FLYWCH1: variants seen among roughly 807,000 people sequenced by gnomAD.
The protein encoded by FLYWCH1 is FLYWCH-type zinc finger 1, also known as FLYWCH-type zinc finger-containing protein 1.
Under a neutral mutation model 66.4 loss-of-function variants are expected in FLYWCH1, and 75 were observed. The ratio of observed to expected loss-of-function variants is 1.13; its 90% CI spans 0.94 to 1.37. The LOEUF (loss-of-function observed/expected upper bound fraction) is 1.37. FLYWCH1 is among the 40% of genes most tolerant of loss of function. The probability of loss-of-function intolerance (pLI) is 0.00; values close to 1 mark genes in which losing one functional copy is unlikely to be tolerated. For synonymous variants in FLYWCH1, 595 were observed against 429.9 expected (o/e 1.38, Z -4.75); for missense variants, 1,334 against 1,001.8 (o/e 1.33, Z -4.48).
intron 4 of FLYWCH1, among the ~76,000 whole-genome samples, chr16:2,932,183 A>T (rs1415269683): frequency 2.0e-5 from 3 of 146,388 alleles, no homozygotes; most frequent in Admixed American, 1.4e-4. Context: ...CGGGAGGCTA[A>T]GGCAGAATTG....
chr16:2,934,017 C>T (rs1486856915), intron 6 of FLYWCH1, 38 bp downstream of exon 6: 5 of 1,483,062 alleles, frequency 3.4e-6, no homozygotes, highest in Admixed American at 4.5e-5. Context: ...CCCCAGGAAG[C>T]AGGCAGGAGC....
chr16:2,914,315 C>T (rs568323062), intron 2 of FLYWCH1, 26 bp downstream of exon 2: 5 of 152,354 alleles, frequency 3.3e-5, no homozygotes, highest in East Asian at 3.9e-4. Context: ...CATCAGCTGC[C>T]GACAGAGCCG....
Position 2,938,344 on chromosome 16 carries a change from G to C in FLYWCH1, c.1938G>C (p.Gln646His). Residue 646 changes from glutamine (Q) to histidine (H), a missense_variant, in exon 8 of 10, where the codon CAG (glutamine) becomes CAC (histidine). Coordinates refer to ENST00000253928, the MANE Select transcript of FLYWCH1 (RefSeq NM_001308068.2). ...GCTGCCGCAGCCGCGCCATAACCCA[G>C]GGCCACCGCATCATGGTCATGCGCA... is the stretch of plus-strand genomic sequence containing the variant. ...RLGCRSRAIT[Q>H]GHRIMVMRSH... The C allele has an allele frequency of 6.2e-7, 1 of 1,603,886 alleles. No homozygotes were observed. The highest frequency in any genetic ancestry group is 8.5e-7 in the Non-Finnish European group (1 of 1,174,756).
intron 9 of FLYWCH1, among the ~76,000 whole-genome samples, chr16:2,941,953 C>G (rs576613821): frequency 1.6e-5 from 2 of 127,650 alleles, no homozygotes; most frequent in East Asian, 2.6e-4. Context: ...GTCGAGATTG[C>G]GCCACTGCAC....
chr16:2,920,746 G>A (rs747121568), intron 2 of FLYWCH1, among the ~76,000 whole-genome samples: 4 of 151,060 alleles, frequency 2.6e-5, no homozygotes, highest in African/African-American at 9.7e-5. Context: ...TCTCCATGTT[G>A]GTCGGGCTGG....
rs9935192 is a variant in FLYWCH1 at position 2,919,855 on chromosome 16, A to T, written c.-74+5566A>T. 2.2e-3 allele frequency among the ~76,000 whole-genome samples: 341 copies of T among 152,032 alleles called. 1 individual carries two copies. The highest frequency in any genetic ancestry group is 3.5e-3 in the Admixed American group (54 of 15,272). On this transcript the variant is annotated intron_variant, in intron 2 of 9. Coordinates refer to ENST00000253928, the MANE Select transcript of FLYWCH1 (RefSeq NM_001308068.2). The stretch of plus-strand genomic sequence containing the variant: ...GGAGCAACACCACCATCTTGTGGCC[A>T]TATGGAGTATTGCTGCTGAGGATTT...
At chr16:2,923,796 G>C (rs1364688253) in intron 2 of FLYWCH1, among the ~76,000 whole-genome samples, 1 of 152,040 alleles carries the variant, frequency 6.6e-6, no homozygotes, top group Non-Finnish European at 1.5e-5. Context: ...CCCGCACTTT[G>C]GAAGGCTGAG....
rs1229533767 is a variant in FLYWCH1 at position 2,930,876 on chromosome 16, G to T, written c.792G>T (p.Gly264=). ...CGCCCAAGAAGCGCTCGATCCTGGGGCTGGGTGAGTACAATCCACTCCCCT... is the reference window on the plus strand; with the variant it reads ...CGCCCAAGAAGCGCTCGATCCTGGGTCTGGGTGAGTACAATCCACTCCCCT... ...SLPPKKRSIL[G]LGQARPLEFL... Residue 264 remains glycine (G), a synonymous_variant, in exon 4 of 10, where the codon GGG becomes GGT. Transcript: ENST00000253928. The T allele has an allele frequency of 3.8e-6, 6 of 1,588,074 alleles. No individual in the cohort carries two copies.
chr16:2,920,546 C>G (rs2070333932), intron 2 of FLYWCH1, among the ~76,000 whole-genome samples: 1 of 151,620 alleles, frequency 6.6e-6, no homozygotes, highest in African/African-American at 2.4e-5. Flanking sequence ...ACCAAGAGAC[C>G]CTTGGAATCT....
chr16:2,920,200 C>G (rs11644750), intron 2 of FLYWCH1, among the ~76,000 whole-genome samples: 5,842 of 152,188 alleles, frequency 0.038, 168 homozygotes, highest in Middle Eastern at 0.095. Context: ...GCCACCCCTT[C>G]TTTGATGAGT....
Position 2,933,931 on chromosome 16 carries a change from C to A in FLYWCH1, c.1465C>A (p.Leu489Met), listed in dbSNP as rs541874950. Residue 489 changes from leucine (L) to methionine (M), a missense_variant, in exon 6 of 10, where the codon CTG becomes ATG. Physicochemically the swap from Leu to Met is conservative, Grantham distance 15. Transcript: ENST00000253928. ...HPPDLGGLEALRQREKRPNTA... is the reference protein window; with the variant it reads ...HPPDLGGLEAMRQREKRPNTA... ...GCCCGACCTGGGAGGCCTGGAGGCCCTGAGGCAGCGGGAGAAACGCCCCAA... is the reference window on the plus strand; with the variant it reads ...GCCCGACCTGGGAGGCCTGGAGGCCATGAGGCAGCGGGAGAAACGCCCCAA... 1.9e-6 allele frequency: 3 copies of A among 1,567,856 alleles called. No homozygotes were observed. The highest frequency in any genetic ancestry group is 2.4e-5 in the East Asian group (1 of 42,304).
At chr16:2,939,958 G>C in intron 8 of FLYWCH1, 74 bp from the exon 9 acceptor site, 1 of 1,528,020 alleles carries the variant, frequency 6.5e-7, no homozygotes, top group Non-Finnish European at 8.8e-7. Context: ...CGTTAACAAG[G>C]TGTGTGTCCT....
rs1313065090 is a variant in FLYWCH1 at position 2,937,239 on chromosome 16, C to T, written c.1632C>T (p.Ala544=). 1.9e-6 allele frequency: 3 copies of T among 1,606,106 alleles called. No individual in the cohort carries two copies. Among genetic ancestry groups the T allele is most frequent in the Non-Finnish European group, 1.7e-6 (2 of 1,177,610 alleles). ...EKVYWTCRDQ[A]RMGCRSRAIT... is the part of the protein sequence containing the mutation. ...TGTATTGGACCTGCCGGGACCAGGC[C>T]CGCATGGGCTGCCGCAGCCGCGCCA... The change falls in exon 7 of 10, where the codon GCC becomes GCT. Residue 544 remains alanine, a synonymous_variant. Coordinates refer to ENST00000253928, the MANE Select transcript of FLYWCH1 (RefSeq NM_001308068.2).
rs2071100851 is a variant in FLYWCH1, at chr16:2,938,227, C to T, written c.1821C>T (p.Gly607=). 1.9e-6 allele frequency: 3 copies of T among 1,612,996 alleles called. No homozygotes were observed. Among genetic ancestry groups the T allele is most frequent in the African/African-American group, 1.3e-5 (1 of 74,912 alleles). ...PLEFLRTSLG[G]RFLVHESFLY... ...AGTTCCTGAGGACTTCCCTGGGGGGCAGGTTCCTGGTGCACGAGTCCTTCC... is the reference window on the plus strand; with the variant it reads ...AGTTCCTGAGGACTTCCCTGGGGGGTAGGTTCCTGGTGCACGAGTCCTTCC... The change falls in exon 8 of 10, where the codon GGC becomes GGT. Residue 607 remains glycine (G), a synonymous_variant. Coordinates refer to ENST00000253928, the MANE Select transcript of FLYWCH1 (RefSeq NM_001308068.2).
chr16:2,948,962 C>A lies in FLYWCH1; in HGVS notation c.*235C>A, dbSNP rs572167936. 6 of 539,532 alleles carry A rather than the reference C, an allele frequency of 1.1e-5. No individual in the cohort carries two copies. The highest frequency in any genetic ancestry group is 6.4e-5 in the Admixed American group (2 of 31,104). The allele number at this position is 539,532 out of a possible 1,614,324, so 33.4% of individuals were successfully genotyped here. ...GCTTGCAGACGCAGCTGTCGTGGGG[C>A]AGGGCGGTGGCGCCTTCCTGACCTT... On this transcript the variant is annotated 3_prime_UTR_variant, in exon 10 of 10. Transcript: ENST00000253928.
At chr16:2,946,672 G>GT (rs1207461015) in intron 9 of FLYWCH1, among the ~76,000 whole-genome samples, 1 of 152,006 alleles carries the variant, frequency 6.6e-6, no homozygotes, top group Non-Finnish European at 1.5e-5. Context: ...AATGGCCAAA[G>GT]GACCTGAATA....
chr16:2,931,135 T>C (rs2070747448), intron 4 of FLYWCH1, among the ~76,000 whole-genome samples: 1 of 151,534 alleles, frequency 6.6e-6, no homozygotes, highest in Non-Finnish European at 1.5e-5. Context: ...AAACCCTGTC[T>C]CTACTAAAAA....
Position 2,930,884 on chromosome 16 carries a change from A to C in FLYWCH1, c.796+4A>C. The C allele has an allele frequency of 1.3e-6, 2 of 1,580,736 alleles. No individual in the cohort carries two copies. ...AAGCGCTCGATCCTGGGGCTGGGTG[A>C]GTACAATCCACTCCCCTGCTGCGTC... On this transcript the variant is annotated splice_donor_region_variant and intron_variant, in intron 4 of 9. Transcript: ENST00000253928.
intron 2 of FLYWCH1, among the ~76,000 whole-genome samples, chr16:2,927,868 C>T (rs914238237): frequency 1.3e-5 from 2 of 152,188 alleles, no homozygotes; most frequent in Non-Finnish European, 2.9e-5. Flanking sequence ...ACTCTATGTG[C>T]GAGGACCCGC....
Sources: gnomAD v4.1 joint callset for allele counts (sites outside exome capture counted in the v4.1 genomes callset) on GRCh38, gnomAD v4.1.1 for gene constraint, MANE v1.5 for transcripts, NCBI Gene and HGNC (gene_info 2026-07-23, HGNC 2026-07-21) for gene names.